The following DISC1 variants were observed in gnomAD, a reference collection of about 807,000 sequenced individuals.
DISC1 encodes the protein disrupted in schizophrenia 1 protein.
In DISC1, 57 loss-of-function variants were observed where a neutral mutation model predicts 84.5. The observed-to-expected ratio is 0.67, with a 90% CI of 0.55 to 0.84. The LOEUF is 0.84. Ranked by LOEUF, DISC1 falls within the 40% of genes least tolerant of loss-of-function variation. DISC1 has a pLI of 0.00. For synonymous variants in DISC1, 411 were observed against 415.2 expected (o/e 0.99, Z 0.12); for missense variants, 1,000 against 1,057.8 (o/e 0.95, Z 0.76).
chr1:231,663,016 C>T (rs925205660), intron 1 of DISC1, among the ~76,000 whole-genome samples: 22 of 151,084 alleles, frequency 1.5e-4, no homozygotes, highest in South Asian at 4.2e-4. Context: ...AACAAGCAAA[C>T]GAAAAACGTC....
chr1:231,668,053 C>CAA (rs111268435), intron 1 of DISC1, among the ~76,000 whole-genome samples: 1 of 94,688 alleles, frequency 1.1e-5, no homozygotes, highest in Non-Finnish European at 2.3e-5. Context: ...AAGACTCTGT[C>CAA]AAAAAAAAAA....
intron 6 of DISC1, 137 bp from the exon 7 acceptor site, chr1:231,795,105 A>G (rs535119856): frequency 2.5e-6 from 2 of 802,404 alleles, no homozygotes; most frequent in African/African-American, 1.7e-5. Context: ...AATGGAGCCA[A>G]TTTGGCATCA....
At position 231,800,129 on chromosome 1, in the gene DISC1, T is replaced by A. The variant is rs2079110061; in HGVS notation, c.1711T>A (p.Cys571Ser). 6.2e-7 allele frequency: 1 copy of A among 1,611,570 alleles called. No homozygotes were observed. The highest frequency in any genetic ancestry group is 8.5e-7 in the Non-Finnish European group (1 of 1,179,626). The change falls in exon 8 of 13, where the codon TGC (cysteine) becomes AGC (serine). Residue 571 changes from cysteine to serine, a missense_variant. Physicochemically the swap from Cys to Ser is moderately radical, Grantham distance 112. This residue lies in a region of DISC1 where 397 missense variants were observed against 377.5 expected (regional missense o/e 1.05). Coordinates refer to ENST00000439617, the MANE Select transcript of DISC1 (RefSeq NM_018662.3). ...CTAGGTGTGTATGAGTGAGAAATTC[T>A]GCAGCACCCTGAGGAAGAAAGTTAA... ...TTKVCMSEKF[C>S]STLRKKVNDI...
At chr1:231,966,421 T>C (rs1661131593) in intron 10 of DISC1, among the ~76,000 whole-genome samples, 2 of 152,254 alleles carry the variant, frequency 1.3e-5, no homozygotes, top group Admixed American at 1.3e-4. Flanking sequence ...TTATCTGTTA[T>C]CTTTTTTAAA....
chr1:231,658,611 G>T (rs552377413), intron 1 of DISC1, among the ~76,000 whole-genome samples: 1 of 152,154 alleles, frequency 6.6e-6, no homozygotes, highest in African/African-American at 2.4e-5. Flanking sequence ...ATTGGCTGTG[G>T]GTTTGTCATA....
At chr1:231,979,746 T>C (rs1316582912) in intron 10 of DISC1, among the ~76,000 whole-genome samples, 1 of 151,396 alleles carries the variant, frequency 6.6e-6, no homozygotes, top group Non-Finnish European at 1.5e-5. Context: ...GAGTATAATA[T>C]ATAGATACAT....
chr1:231,810,230 C>T (rs2080165439), intron 8 of DISC1, among the ~76,000 whole-genome samples: 1 of 151,154 alleles, frequency 6.6e-6, no homozygotes, highest in South Asian at 2.1e-4. Flanking sequence ...TGCTCAAGGC[C>T]AGACCTACAC....
At chr1:231,691,344 T>C (rs2064983802) in intron 1 of DISC1, among the ~76,000 whole-genome samples, 1 of 151,694 alleles carries the variant, frequency 6.6e-6, no homozygotes, top group Admixed American at 6.6e-5. Context: ...GGCAGGAGAA[T>C]CACTTGAACC....
chr1:231,764,789 C>T (rs1232852140), intron 4 of DISC1, among the ~76,000 whole-genome samples: 2 of 152,176 alleles, frequency 1.3e-5, no homozygotes, highest in Non-Finnish European at 2.9e-5. Context: ...TTTTAAGTCT[C>T]ATTCTTATTC....
At chr1:231,896,670 A>T (rs1464762186) in intron 9 of DISC1, among the ~76,000 whole-genome samples, 1 of 152,096 alleles carries the variant, frequency 6.6e-6, no homozygotes, top group Admixed American at 6.6e-5. Flanking sequence ...TTCTGTGGTG[A>T]CCCTTGCTTT....
rs149426069 is a variant in DISC1, at chr1:231,693,297, G to A, written c.68-529G>A. ...AGATGAGATGATGGCCATACATTGC[G>A]GCACAGCCAGCTATCCATGGTCTGC... On this transcript the variant is annotated intron_variant, in intron 1 of 12. Transcript: ENST00000439617. Among the ~76,000 whole-genome samples, 446 of 152,344 alleles carry A rather than the reference G, an allele frequency of 2.9e-3. 5 individuals carry two copies. The highest frequency in any genetic ancestry group is 0.01 in the African/African-American group (424 of 41,576).
At chr1:231,885,508 G>T (rs2086618430) in intron 9 of DISC1, among the ~76,000 whole-genome samples, 1 of 152,190 alleles carries the variant, frequency 6.6e-6, no homozygotes, top group Non-Finnish European at 1.5e-5. Flanking sequence ...GCCCGATGTA[G>T]CCTGTTCGAA....
At chr1:231,774,754 C>T (rs1302345209) in intron 6 of DISC1, 1 of 456,032 alleles carries the variant, frequency 2.2e-6, no homozygotes, top group East Asian at 6.9e-5. Flanking sequence ...TGATGGGCTG[C>T]AGCATGGATC....
At chr1:231,763,091 C>T (rs2075899458) in intron 4 of DISC1, among the ~76,000 whole-genome samples, 1 of 152,006 alleles carries the variant, frequency 6.6e-6, no homozygotes, top group African/African-American at 2.4e-5. Flanking sequence ...GTGGATGTGA[C>T]TGGAAGGCAG....
At chr1:231,923,260 C>T (rs2090118180) in intron 9 of DISC1, among the ~76,000 whole-genome samples, 1 of 150,060 alleles carries the variant, frequency 6.7e-6, no homozygotes, top group Non-Finnish European at 1.5e-5. Flanking sequence ...GCACTCCAGC[C>T]TACGCAACAG....
intron 9 of DISC1, among the ~76,000 whole-genome samples, chr1:231,872,940 C>G (rs2085574125): frequency 6.6e-6 from 1 of 152,186 alleles, no homozygotes; most frequent in Non-Finnish European, 1.5e-5. Flanking sequence ...CTTTTACATT[C>G]TGAAATAATC....
At chr1:231,807,553 A>G (rs1463395331) in intron 8 of DISC1, among the ~76,000 whole-genome samples, 1 of 152,198 alleles carries the variant, frequency 6.6e-6, no homozygotes, top group Non-Finnish European at 1.5e-5. Flanking sequence ...TGTTGTTTTC[A>G]TACCTCCTTC....
At chr1:231,773,859 G>A (rs923620953) in intron 6 of DISC1, among the ~76,000 whole-genome samples, 2 of 152,154 alleles carry the variant, frequency 1.3e-5, no homozygotes, top group African/African-American at 4.8e-5. Flanking sequence ...ACAGAGGTCA[G>A]GTCAAGAACA....
intron 9 of DISC1, among the ~76,000 whole-genome samples, chr1:231,848,958 T>C (rs571693831): frequency 3.9e-5 from 6 of 152,274 alleles, no homozygotes; most frequent in Admixed American, 1.3e-4. Context: ...AATGAGTGAA[T>C]ATTTAAAAGA....
Sources: gnomAD v4.1 joint callset for allele counts (sites outside exome capture counted in the v4.1 genomes callset) on GRCh38, gnomAD v4.1.1 for gene constraint, gnomAD v4.1.1 regional missense constraint, MANE v1.5 for transcripts, NCBI Gene and HGNC (gene_info 2026-07-23, HGNC 2026-07-21) for gene names.